The following CSMD1 variants were observed in gnomAD, a reference collection of about 807,000 sequenced individuals.
The protein encoded by CSMD1 is CUB and Sushi multiple domains 1.
CSMD1 carries 213 observed loss-of-function variants against 417.5 expected under a neutral mutation model. That is an observed-to-expected ratio of 0.51 (90% CI 0.46 to 0.57). The LOEUF (loss-of-function observed/expected upper bound fraction) is 0.57, where lower values mean the gene tolerates loss of function less well. Ranked by LOEUF, CSMD1 falls within the 20% of genes least tolerant of loss-of-function variation. The pLI is 0.00. For synonymous variants in CSMD1, 2,862 were observed against 1,736.8 expected, an observed-to-expected ratio of 1.65 and a Z score of -16.11; for missense variants, 6,923 against 4,529.7, an observed-to-expected ratio of 1.53 and a Z score of -15.17.
intron 11 of CSMD1, among the ~76,000 whole-genome samples, chr8:3,489,229 AAAAATGGATTAATCCAGCCCTAAG>A: frequency 6.6e-6 from 1 of 152,326 alleles, no homozygotes; most frequent in Middle Eastern, 3.4e-3. Flanking sequence ...TAGATTCAGC[AAAAATGGATTAATCCAGCCCTAAG>A]AAAGAACCAG....
At chr8:3,516,270 G>A (rs1033969008) in intron 10 of CSMD1, among the ~76,000 whole-genome samples, 3 of 152,198 alleles carry the variant, frequency 2.0e-5, no homozygotes, top group African/African-American at 7.2e-5. Flanking sequence ...GCATAGGTAT[G>A]GAGCTCCAGT....
intron 49 of CSMD1, among the ~76,000 whole-genome samples, chr8:3,076,358 C>T (rs1418330902): frequency 4.6e-5 from 7 of 152,194 alleles, no homozygotes; most frequent in Non-Finnish European, 5.9e-5. Context: ...TTAGGGTTCA[C>T]CCTAATGACT....
At chr8:4,118,610 T>C (rs966548545) in intron 3 of CSMD1, among the ~76,000 whole-genome samples, 2 of 152,182 alleles carry the variant, frequency 1.3e-5, no homozygotes, top group Non-Finnish European at 2.9e-5. Context: ...GGCAAGGCTG[T>C]GGAGACTTAG....
intron 5 of CSMD1, among the ~76,000 whole-genome samples, chr8:3,986,492 A>G (rs141466969): frequency 6.6e-6 from 1 of 152,302 alleles, no homozygotes; most frequent in East Asian, 1.9e-4. Context: ...TTCCCTGGCT[A>G]CCAAAAGCAA....
intron 1 of CSMD1, among the ~76,000 whole-genome samples, chr8:4,874,596 G>T (rs535540700): frequency 5.6e-4 from 85 of 151,602 alleles, no homozygotes; most frequent in African/African-American, 1.7e-3. Context: ...TCACTATGTT[G>T]GCCAGGCTGG....
intron 3 of CSMD1, among the ~76,000 whole-genome samples, chr8:4,291,921 C>G (rs1482226710): frequency 6.6e-6 from 1 of 152,174 alleles, no homozygotes; most frequent in East Asian, 1.9e-4. Flanking sequence ...ACAGAACCTT[C>G]TGCCCTATGT....
intron 1 of CSMD1, among the ~76,000 whole-genome samples, chr8:4,765,741 G>C (rs115503854): frequency 1.3e-5 from 2 of 152,164 alleles, no homozygotes; most frequent in African/African-American, 2.4e-5. Context: ...AGGAATTTTA[G>C]TTGGGGTTTA....
intron 1 of CSMD1, among the ~76,000 whole-genome samples, chr8:4,798,459 A>G (rs1798103392): frequency 6.6e-6 from 1 of 152,184 alleles, no homozygotes; most frequent in African/African-American, 2.4e-5. Context: ...AGATTTTGCA[A>G]TATATAAAAT....
At chr8:4,530,535 C>T (rs1268031952) in intron 2 of CSMD1, among the ~76,000 whole-genome samples, 4 of 150,986 alleles carry the variant, frequency 2.6e-5, no homozygotes, top group Non-Finnish European at 1.5e-5. Flanking sequence ...TGATGTTCCC[C>T]TCCCCGTGCC....
At chr8:4,036,497 C>G (rs566491204) in intron 3 of CSMD1, among the ~76,000 whole-genome samples, 3 of 152,344 alleles carry the variant, frequency 2.0e-5, no homozygotes, top group African/African-American at 7.2e-5. Flanking sequence ...ACACCCATCT[C>G]TTCAAACTTC....
chr8:3,690,865 T>C (rs932814234), intron 7 of CSMD1, among the ~76,000 whole-genome samples: 5 of 152,186 alleles, frequency 3.3e-5, no homozygotes, highest in Admixed American at 2.0e-4. Flanking sequence ...ATTACCCAAA[T>C]ACATTGATTT....
intron 3 of CSMD1, among the ~76,000 whole-genome samples, chr8:4,218,114 G>A (rs983204987): frequency 1.3e-5 from 2 of 152,172 alleles, no homozygotes; most frequent in East Asian, 1.9e-4. Flanking sequence ...CATTGGCGAT[G>A]ACCTTGAACA....
At chr8:3,904,335 C>G (rs1287322380) in intron 5 of CSMD1, among the ~76,000 whole-genome samples, 1 of 151,870 alleles carries the variant, frequency 6.6e-6, no homozygotes, top group Non-Finnish European at 1.5e-5. Flanking sequence ...CCCAGTCCTA[C>G]AAATAGAAAA....
At chr8:3,517,544 T>C (rs73503648) in intron 10 of CSMD1, among the ~76,000 whole-genome samples, 1,650 of 152,216 alleles carry the variant, frequency 0.011, 29 homozygotes, top group African/African-American at 0.037. Flanking sequence ...CCTGGGAGAA[T>C]GGGAGGAGAA....
At chr8:3,739,562 T>C (rs796902234) in intron 6 of CSMD1, among the ~76,000 whole-genome samples, 2 of 152,300 alleles carry the variant, frequency 1.3e-5, no homozygotes, top group African/African-American at 4.8e-5. Context: ...GGAAAACTGA[T>C]TAAATCTGGG....
intron 12 of CSMD1, among the ~76,000 whole-genome samples, chr8:3,461,731 G>A (rs927700476): frequency 2.6e-5 from 4 of 152,200 alleles, no homozygotes; most frequent in Non-Finnish European, 5.9e-5. Flanking sequence ...GAAAAAGCTG[G>A]GGCCATTGTC....
intron 5 of CSMD1, among the ~76,000 whole-genome samples, chr8:3,802,709 C>A (rs536364520): frequency 6.6e-6 from 1 of 152,132 alleles, no homozygotes; most frequent in African/African-American, 2.4e-5. Flanking sequence ...TAGTGCTTGA[C>A]AATTTTAATT....
intron 26 of CSMD1, among the ~76,000 whole-genome samples, chr8:3,233,463 A>G (rs1473368104): frequency 6.6e-6 from 1 of 152,194 alleles, no homozygotes; most frequent in African/African-American, 2.4e-5. Context: ...TTTTCTTTAT[A>G]AATTACCCAG....
intron 5 of CSMD1, among the ~76,000 whole-genome samples, chr8:3,766,993 C>G (rs1273890935): frequency 1.3e-5 from 2 of 152,148 alleles, no homozygotes; most frequent in African/African-American, 4.8e-5. Flanking sequence ...GCGAAAAGAC[C>G]AGCAGCCCTC....
Sources: gnomAD v4.1 joint callset for allele counts (sites outside exome capture counted in the v4.1 genomes callset) on GRCh38, gnomAD v4.1.1 for gene constraint, MANE v1.5 for transcripts, NCBI Gene and HGNC (gene_info 2026-07-23, HGNC 2026-07-21) for gene names.